The following NLGN4X variants were observed in gnomAD, a reference collection of about 807,000 sequenced individuals.
NLGN4X encodes neuroligin 4 X-linked, also known as neuroligin-4, X-linked.
Under a neutral mutation model 40.3 loss-of-function variants are expected in NLGN4X, and 3 were observed. The ratio of observed to expected loss-of-function variants is 0.07; its 90% CI spans 0.03 to 0.19. The LOEUF (loss-of-function observed/expected upper bound fraction) is 0.19. Among genes scored for constraint, NLGN4X ranks in the 10% least tolerant of loss-of-function variants. The probability of loss-of-function intolerance (pLI) is 1.00; values close to 1 mark genes in which losing one functional copy is unlikely to be tolerated. For synonymous variants in NLGN4X, 270 were observed against 306.8 expected (o/e 0.88, Z 1.25); for missense variants, 382 against 708.3 (o/e 0.54, Z 5.23).
At chrX:6,212,635 G>A (rs1924714929) in intron 1 of NLGN4X, among the ~76,000 whole-genome samples, 1 of 112,042 alleles carries the variant, frequency 8.9e-6, no homozygotes. Context: ...TAGGAAGTTC[G>A]TAGATTAAAG....
At chrX:6,138,710 G>A (rs911512242) in intron 2 of NLGN4X, among the ~76,000 whole-genome samples, 1 of 111,420 alleles carries the variant, frequency 9.0e-6, no homozygotes, top group African/African-American at 3.3e-5. Context: ...TGCTTAGAGT[G>A]CCAAAAGGTT....
chrX:5,978,117 C>T (rs2035232822), intron 3 of NLGN4X, among the ~76,000 whole-genome samples: 3 of 111,709 alleles, frequency 2.7e-5, no homozygotes. Flanking sequence ...AACTACATGC[C>T]TGATTGAAAA....
chrX:6,043,290 T>A (rs1402960421), intron 2 of NLGN4X, among the ~76,000 whole-genome samples: 2 of 110,290 alleles, frequency 1.8e-5, no homozygotes, highest in African/African-American at 6.6e-5. Flanking sequence ...GTGACTTTTT[T>A]AAATAAATAG....
intron 3 of NLGN4X, among the ~76,000 whole-genome samples, chrX:5,935,153 A>C (rs2033692257): frequency 8.9e-6 from 1 of 112,369 alleles, no homozygotes; most frequent in African/African-American, 3.2e-5. Context: ...AACAGTATTA[A>C]AGAAGATACT....
chrX:6,066,936 T>A (rs887139517), intron 2 of NLGN4X, among the ~76,000 whole-genome samples: 1 of 111,431 alleles, frequency 9.0e-6, no homozygotes, highest in East Asian at 2.8e-4. Flanking sequence ...ATTGAGACCC[T>A]GTCTCTACAA....
chrX:6,134,367 C>T (rs1164970590), intron 2 of NLGN4X, among the ~76,000 whole-genome samples: 1 of 111,845 alleles, frequency 8.9e-6, no homozygotes, highest in Admixed American at 9.5e-5. Context: ...CTCCTCCCAG[C>T]AATTTGGTCA....
chrX:5,899,576 C>CGGCTCTCTCAA (rs1484923144), intron 5 of NLGN4X, among the ~76,000 whole-genome samples: 1 of 111,735 alleles, frequency 8.9e-6, no homozygotes, highest in Non-Finnish European at 1.9e-5. Flanking sequence ...TCTCTTCTCA[C>CGGCTCTCTCAA]GGCTCTCTCA....
At chrX:5,905,862 G>T (rs887393342) in intron 4 of NLGN4X, among the ~76,000 whole-genome samples, 1 of 111,375 alleles carries the variant, frequency 9.0e-6, no homozygotes, top group African/African-American at 3.3e-5. Flanking sequence ...TCGCCATGTT[G>T]TTCAGGCTTG....
chrX:5,919,580 C>T (rs1601884772), intron 3 of NLGN4X, among the ~76,000 whole-genome samples: 1 of 111,181 alleles, frequency 9.0e-6, no homozygotes. Context: ...TTTACAGCCA[C>T]TCCCTACCAC....
chrX:6,072,764 C>T (rs1602176497), intron 2 of NLGN4X, among the ~76,000 whole-genome samples: 1 of 110,994 alleles, frequency 9.0e-6, no homozygotes, highest in East Asian at 2.9e-4. Flanking sequence ...AACATTAATG[C>T]CTCATCCCTC....
At chrX:6,100,521 A>G (rs762531713) in intron 2 of NLGN4X, among the ~76,000 whole-genome samples, 17 of 112,565 alleles carry the variant, frequency 1.5e-4, no homozygotes, top group African/African-American at 5.5e-4. Flanking sequence ...GGAAAATACA[A>G]GATAACATAT....
At chrX:6,079,074 T>C (rs1184499990) in intron 2 of NLGN4X, among the ~76,000 whole-genome samples, 7 of 101,697 alleles carry the variant, frequency 6.9e-5, no homozygotes, top group Non-Finnish European at 1.0e-4. Context: ...TTCCCAGCTA[T>C]GCGGAACTGT....
Position 6,083,210 on chromosome X carries a change from A to G in NLGN4X, c.473-53778T>C, listed in dbSNP as rs745403079. 9.5e-3 allele frequency among the ~76,000 whole-genome samples: 1,010 copies of G among 106,313 alleles called. 15 individuals are homozygous for G. The highest frequency in any genetic ancestry group is 0.033 in the African/African-American group (962 of 28,978). The allele number at this position is 106,313 out of a possible 115,157, so 92.3% of individuals were successfully genotyped here. A position where few individuals can be genotyped will look rare whatever the true frequency, so the allele number is the denominator to read the frequency against. ...CCTGACCTCATGATCCGCCTGCCTC[A>G]GCCTCCCAAAGTGCTGGGATTACAG... is the stretch of plus-strand genomic sequence containing the variant. On this transcript the variant is annotated intron_variant, in intron 2 of 5. Transcript: ENST00000381095.
chrX:6,143,088 G>C (rs2039980892), intron 2 of NLGN4X, among the ~76,000 whole-genome samples: 1 of 112,037 alleles, frequency 8.9e-6, no homozygotes, highest in African/African-American at 3.2e-5. Context: ...GAAATTTTCG[G>C]GTTCCCTTTT....
At chrX:6,077,709 C>G (rs752288707) in intron 2 of NLGN4X, among the ~76,000 whole-genome samples, 108 of 111,371 alleles carry the variant, frequency 9.7e-4, no homozygotes, top group African/African-American at 3.3e-3. Flanking sequence ...ATCTGCCTTC[C>G]TCCTATTTCA....
At chrX:5,901,624 A>G (rs1410895281) in intron 5 of NLGN4X, among the ~76,000 whole-genome samples, 3 of 110,796 alleles carry the variant, frequency 2.7e-5, no homozygotes, top group Non-Finnish European at 5.7e-5. Flanking sequence ...TATTTAGGCC[A>G]ATAAATGAGC....
intron 1 of NLGN4X, among the ~76,000 whole-genome samples, chrX:6,196,329 A>C (rs1244776150): frequency 1.8e-5 from 2 of 110,801 alleles, no homozygotes; most frequent in African/African-American, 6.6e-5. Flanking sequence ...AGGTGGGCGG[A>C]TCACGAGGTC....
intron 3 of NLGN4X, among the ~76,000 whole-genome samples, chrX:5,987,558 T>C (rs925395040): frequency 4.4e-5 from 5 of 112,592 alleles, no homozygotes; most frequent in Non-Finnish European, 9.4e-5. Flanking sequence ...TTATTTTTTT[T>C]AATCAGTGTA....
chrX:5,890,557 C>T lies in NLGN4X; in HGVS notation c.*2260G>A. 3.1e-6 allele frequency: 1 copy of T among 323,345 alleles called. No homozygotes were observed. The highest frequency in any genetic ancestry group is 2.7e-5 in the South Asian group (1 of 36,702). 26.6% of individuals were successfully genotyped at this position (323,345 alleles called of 1,213,427 possible). On this transcript the variant is annotated 3_prime_UTR_variant, in exon 6 of 6. Transcript: ENST00000381095. The stretch of plus-strand genomic sequence containing the variant: ...ACAGACGAAACCAACATGGATGCCA[C>T]ACATAACTTCCTTTGTAGTTTCACA...
Sources: allele counts gnomAD v4.1 joint callset (sites outside exome capture counted in the v4.1 genomes callset), GRCh38; gene constraint gnomAD v4.1.1; transcripts MANE v1.5; gene names NCBI Gene and HGNC (gene_info 2026-07-23, HGNC 2026-07-21).